The following NUDCD3 variants were observed in gnomAD, a reference collection of about 807,000 sequenced individuals.
The protein encoded by NUDCD3 is NudC domain containing 3.
NUDCD3 carries 13 observed loss-of-function variants against 39.7 expected under a neutral mutation model. The observed-to-expected ratio is 0.33, with a 90% CI of 0.21 to 0.52. The LOEUF (loss-of-function observed/expected upper bound fraction) is 0.52. NUDCD3 is among the 20% of genes least tolerant of loss of function. The pLI, the probability that NUDCD3 is intolerant of heterozygous loss-of-function variation, is 0.96. For missense variants in NUDCD3, 453 were observed against 458.1 expected (o/e 0.99, Z 0.10); for synonymous variants, 175 against 172.4 (o/e 1.02, Z -0.12).
intron 3 of NUDCD3, among the ~76,000 whole-genome samples, chr7:44,407,353 G>A (rs1398591898): frequency 1.3e-5 from 2 of 151,514 alleles, no homozygotes; most frequent in African/African-American, 4.9e-5. Context: ...ATCACCTAAG[G>A]TTGACAGTTC....
At chr7:44,410,588 C>G (rs547050475) in intron 3 of NUDCD3, among the ~76,000 whole-genome samples, 1 of 150,684 alleles carries the variant, frequency 6.6e-6, no homozygotes, top group African/African-American at 2.4e-5. Context: ...GGTGTGAACC[C>G]AGGAGGTGGA....
intron 2 of NUDCD3, chr7:44,484,583 C>G: frequency 5.7e-6 from 1 of 176,206 alleles, no homozygotes; most frequent in Non-Finnish European, 1.2e-5. Context: ...TTTCAGGTGT[C>G]CATTATACCT....
intron 4 of NUDCD3, among the ~76,000 whole-genome samples, chr7:44,403,413 C>T (rs939254905): frequency 2.0e-5 from 3 of 152,258 alleles, no homozygotes; most frequent in African/African-American, 7.2e-5. Context: ...AGCATGTTGT[C>T]TGTGCCCAGG....
chr7:44,431,693 G>A lies in NUDCD3; in HGVS notation c.510-3990C>T, dbSNP rs994917526. Among the ~76,000 whole-genome samples the A allele has an allele frequency of 3.9e-5, 4 of 102,762 alleles. No homozygotes were observed. The Admixed American group carries it at 4.1e-4, about 10-fold the overall frequency. 67.4% of individuals were successfully genotyped at this position (102,762 alleles called of 152,430 possible). On this transcript the variant is annotated intron_variant, in intron 2 of 5. Transcript: ENST00000355451. ...CTTTTTTTTTTTTTTTTTTTTTTGA[G>A]ACGGAGTCTCACTCTGTCACCCAGG...
At position 44,440,851 on chromosome 7, in the gene NUDCD3, T is replaced by C. The variant is rs373105940; in HGVS notation, c.510-13148A>G. Among the ~76,000 whole-genome samples, 22 of 152,348 alleles carry C rather than the reference T, an allele frequency of 1.4e-4. No individual in the cohort carries two copies. The South Asian group carries it at 4.6e-3, about 32-fold the overall frequency. On this transcript the variant is annotated intron_variant, in intron 2 of 5. Coordinates refer to ENST00000355451, the MANE Select transcript of NUDCD3 (RefSeq NM_015332.4). Reference sequence around the variant, plus strand: ...AGCTCTTACCTAGTCTTCTTGCATGTGAGCTCTCTCTCTCACCAACATGAG... The same window carrying C: ...AGCTCTTACCTAGTCTTCTTGCATGCGAGCTCTCTCTCTCACCAACATGAG...
intron 2 of NUDCD3, among the ~76,000 whole-genome samples, chr7:44,467,453 T>TCCTCTGCATCAGCCAGAGGCC (rs1800142724): frequency 1.3e-5 from 2 of 152,130 alleles, no homozygotes; most frequent in Non-Finnish European, 2.9e-5. Flanking sequence ...AGCCAGAGGT[T>TCCTCTGCATCAGCCAGAGGCC]CCTCTGCATC....
chr7:44,431,088 A>T (rs562464815), intron 2 of NUDCD3, among the ~76,000 whole-genome samples: 1 of 152,296 alleles, frequency 6.6e-6, no homozygotes, highest in East Asian at 1.9e-4. Flanking sequence ...TTCTATTTAA[A>T]TAAGGTTGAT....
intron 3 of NUDCD3, among the ~76,000 whole-genome samples, chr7:44,415,333 AAG>A (rs147574371): frequency 2.6e-5 from 4 of 151,258 alleles, no homozygotes; most frequent in African/African-American, 2.4e-5. Flanking sequence ...GGGTACACTG[AAG>A]AGAGAGAGAG....
intron 2 of NUDCD3, among the ~76,000 whole-genome samples, chr7:44,457,693 AAT>A (rs1157014137): frequency 2.0e-5 from 3 of 152,266 alleles, no homozygotes; most frequent in African/African-American, 7.2e-5. Context: ...AAAGAGTTTG[AAT>A]AGTTATTTCT....
At chr7:44,445,218 T>C (rs1229350107) in intron 2 of NUDCD3, among the ~76,000 whole-genome samples, 3 of 152,232 alleles carry the variant, frequency 2.0e-5, no homozygotes, top group African/African-American at 7.2e-5. Flanking sequence ...CTGGTATGTA[T>C]CCTTTCTACA....
chr7:44,473,055 G>A (rs1388554062), intron 2 of NUDCD3, among the ~76,000 whole-genome samples: 1 of 151,980 alleles, frequency 6.6e-6, no homozygotes, highest in Non-Finnish European at 1.5e-5. Flanking sequence ...CTGGCACACG[G>A]GAAACAACTT....
intron 2 of NUDCD3, among the ~76,000 whole-genome samples, chr7:44,429,430 A>G (rs1002778892): frequency 3.9e-5 from 6 of 152,194 alleles, no homozygotes. Context: ...AAAAACGTCA[A>G]GGACCGCAGG....
intron 4 of NUDCD3, among the ~76,000 whole-genome samples, chr7:44,393,945 G>A (rs1296563722): frequency 6.6e-6 from 1 of 152,186 alleles, no homozygotes; most frequent in Non-Finnish European, 1.5e-5. Flanking sequence ...TGAGAGAGCA[G>A]TGTCCTAACA....
At chr7:44,396,398 A>G (rs1284540463) in intron 4 of NUDCD3, among the ~76,000 whole-genome samples, 2 of 152,216 alleles carry the variant, frequency 1.3e-5, no homozygotes, top group African/African-American at 4.8e-5. Context: ...AATATCTTCT[A>G]TTTTTAAGGA....
rs1445426854 is a variant in NUDCD3 at position 44,380,351 on chromosome 7, A to G, written c.*5660T>C. 1 of 152,268 alleles carries G rather than the reference A, an allele frequency of 6.6e-6. No individual in the cohort carries two copies. The highest frequency in any genetic ancestry group is 1.5e-5 in the Non-Finnish European group (1 of 68,086). 9.4% of individuals were successfully genotyped at this position (152,268 alleles called of 1,614,324 possible). A position where few individuals can be genotyped will look rare whatever the true frequency, so the allele number is the denominator to read the frequency against. ...GACAGCCCTAGACTAACAGTCACCC[A>G]TATTGAGCCCAAGCCCACCCTGCAT... On this transcript the variant is annotated 3_prime_UTR_variant, in exon 6 of 6. Transcript: ENST00000355451.
chr7:44,440,517 G>T (rs1329268704), intron 2 of NUDCD3, among the ~76,000 whole-genome samples: 2 of 93,254 alleles, frequency 2.1e-5, no homozygotes, highest in Non-Finnish European at 4.9e-5. Context: ...AAAAAAAAAA[G>T]CCTGTGATCA....
At position 44,380,276 on chromosome 7, in the gene NUDCD3, C is replaced by A. The variant is rs898812034; in HGVS notation, c.*5735G>T. On this transcript the variant is annotated 3_prime_UTR_variant, in exon 6 of 6. Coordinates refer to ENST00000355451, the MANE Select transcript of NUDCD3 (RefSeq NM_015332.4). ...GGCCTGTTGCCCCTTCCTCTCTAGA[C>A]CCTCTGCCTGCCAGGTGTGTAAGCC... 6.5e-6 allele frequency: 1 copy of A among 152,680 alleles called. No individual in the cohort carries two copies. The highest frequency in any genetic ancestry group is 1.5e-5 in the Non-Finnish European group (1 of 68,406). The allele number at this position is 152,680 out of a possible 1,614,324, so 9.5% of individuals were successfully genotyped here. A position where few individuals can be genotyped will look rare whatever the true frequency, so the allele number is the denominator to read the frequency against.
intron 2 of NUDCD3, among the ~76,000 whole-genome samples, chr7:44,433,188 G>C (rs1046933784): frequency 3.9e-5 from 6 of 152,188 alleles, no homozygotes; most frequent in Non-Finnish European, 8.8e-5. Context: ...CCAGAACTGT[G>C]AGAAGTAAAT....
chr7:44,390,234 T>C (rs1007705329), intron 5 of NUDCD3, among the ~76,000 whole-genome samples: 3 of 152,000 alleles, frequency 2.0e-5, no homozygotes, highest in African/African-American at 7.2e-5. Flanking sequence ...CGTGGTGGTG[T>C]GCGCCTGTAG....
Sources: allele counts gnomAD v4.1 joint callset (sites outside exome capture counted in the v4.1 genomes callset), GRCh38; gene constraint gnomAD v4.1.1; transcripts MANE v1.5; gene names NCBI Gene and HGNC (gene_info 2026-07-23, HGNC 2026-07-21).